Variants in ZSWIM5 observed in about 807,000 individuals in gnomAD.
ZSWIM5 encodes the protein zinc finger SWIM-type containing 5, also known as zinc finger SWIM domain-containing protein 5.
In ZSWIM5, 55 loss-of-function variants were observed where a neutral mutation model predicts 119.6. The ratio of observed to expected loss-of-function variants is 0.46; its 90% CI spans 0.37 to 0.58. The LOEUF (loss-of-function observed/expected upper bound fraction) is 0.58. Among genes scored for constraint, ZSWIM5 ranks in the 20% least tolerant of loss-of-function variants. The probability of loss-of-function intolerance (pLI) is 0.00; values close to 1 mark genes in which losing one functional copy is unlikely to be tolerated. For missense variants in ZSWIM5, 1,193 were observed against 1,512.8 expected (o/e 0.79, Z 3.51); for synonymous variants, 537 against 606.9 (o/e 0.88, Z 1.69).
intron 2 of ZSWIM5, chr1:45,070,174 C>T: frequency 7.6e-7 from 1 of 1,311,584 alleles, no homozygotes; most frequent in Non-Finnish European, 1.1e-6. Context: ...GCAAGTCCTT[C>T]CATAATATAC....
chr1:45,061,032 T>C (rs1182978356), intron 2 of ZSWIM5, among the ~76,000 whole-genome samples: 1 of 152,220 alleles, frequency 6.6e-6, no homozygotes, highest in Non-Finnish European at 1.5e-5. Context: ...TACAGGGTGA[T>C]ATGATTTTAT....
At position 45,196,786 on chromosome 1, in the gene ZSWIM5, A is replaced by G. The variant is rs139244448; in HGVS notation, c.595+8970T>C. On this transcript the variant is annotated intron_variant, in intron 1 of 13. Transcript: ENST00000359600. Reference sequence around the variant, plus strand: ...TAAGCATACAATTTAATAAGTTTTGACAAAAGAATATAGTCATGTAACCAC... The same window carrying G: ...TAAGCATACAATTTAATAAGTTTTGGCAAAAGAATATAGTCATGTAACCAC... Among the ~76,000 whole-genome samples the G allele has an allele frequency of 6.8e-3, 1,031 of 152,296 alleles. 21 individuals are homozygous for G. Among genetic ancestry groups the G allele is most frequent in the African/African-American group, 0.024 (998 of 41,558 alleles).
intron 1 of ZSWIM5, among the ~76,000 whole-genome samples, chr1:45,116,810 G>T (rs1049929674): frequency 2.0e-5 from 3 of 152,032 alleles, no homozygotes; most frequent in African/African-American, 7.2e-5. Context: ...GCAACATAAA[G>T]AATTCCAAAG....
Position 45,206,196 on chromosome 1 carries a change from A to C in ZSWIM5, c.155T>G (p.Leu52Arg). Residue 52 changes from leucine (L) to arginine (R), a missense_variant, in exon 1 of 14, where the codon CTG (leucine) becomes CGG (arginine). Leu to Arg is a moderately radical substitution (Grantham distance 102, BLOSUM62 -2). This residue lies in a region of ZSWIM5 where 232 missense variants were observed against 222.9 expected (regional missense o/e 1.04). Transcript: ENST00000359600. ...CAGGTGGGGGCGGGCCCCGAGGACCAGGCAGCTGCTGCCGACGCCCCCTGC... is the reference window on the plus strand; with the variant it reads ...CAGGTGGGGGCGGGCCCCGAGGACCCGGCAGCTGCTGCCGACGCCCCCTGC... ...GGAGGVGSSC[L>R]VLGARPHLQP... 1 of 1,601,250 alleles carries C rather than the reference A, an allele frequency of 6.2e-7. No homozygotes were observed. Among genetic ancestry groups the C allele is most frequent in the Middle Eastern group, 1.7e-4 (1 of 6,040 alleles).
chr1:45,094,314 A>G (rs1288487130), intron 1 of ZSWIM5, among the ~76,000 whole-genome samples: 1 of 152,050 alleles, frequency 6.6e-6, no homozygotes, highest in East Asian at 1.9e-4. Flanking sequence ...TCAGCATCCC[A>G]AAGTACTGGG....
chr1:45,186,969 C>A (rs899721208), intron 1 of ZSWIM5, among the ~76,000 whole-genome samples: 10 of 152,158 alleles, frequency 6.6e-5, no homozygotes, highest in African/African-American at 2.4e-4. Flanking sequence ...CCACTAAGTT[C>A]ATGGTAATTT....
chr1:45,178,493 G>A (rs1163047423), intron 1 of ZSWIM5, among the ~76,000 whole-genome samples: 1 of 152,128 alleles, frequency 6.6e-6, no homozygotes. Context: ...CTACTTTGAA[G>A]TCTGAAGTTT....
chr1:45,163,209 G>C (rs1460009774), intron 1 of ZSWIM5, among the ~76,000 whole-genome samples: 1 of 152,132 alleles, frequency 6.6e-6, no homozygotes, highest in African/African-American at 2.4e-5. Flanking sequence ...AGGTAAACAG[G>C]GTCTGGAGTG....
chr1:45,154,976 C>G (rs1375702004), intron 1 of ZSWIM5, among the ~76,000 whole-genome samples: 1 of 151,924 alleles, frequency 6.6e-6, no homozygotes, highest in Non-Finnish European at 1.5e-5. Context: ...AAAACCCTTC[C>G]AGGCAAAGAT....
chr1:45,090,179 C>T (rs775090277), intron 1 of ZSWIM5, among the ~76,000 whole-genome samples: 3 of 152,026 alleles, frequency 2.0e-5, no homozygotes, highest in Admixed American at 6.6e-5. Context: ...TAAAACCTAG[C>T]GAAATTATCA....
intron 1 of ZSWIM5, among the ~76,000 whole-genome samples, chr1:45,132,661 A>G (rs1570133789): frequency 6.6e-6 from 1 of 151,968 alleles, no homozygotes; most frequent in Non-Finnish European, 1.5e-5. Context: ...TGTGCACAAC[A>G]TGCAGGTTTG....
rs769915865 is a variant in ZSWIM5, at chr1:45,088,178, A to G, written c.655T>C (p.Tyr219His). ...LATASEPAVTYKVAISFDRCK... is the reference protein window; with the variant it reads ...LATASEPAVTHKVAISFDRCK... ...CGATCAAAACTGATTGCAACTTTATAAGTCACTGCTGGTTCAGAGGCAGTG... is the reference window on the plus strand; with the variant it reads ...CGATCAAAACTGATTGCAACTTTATGAGTCACTGCTGGTTCAGAGGCAGTG... Residue 219 changes from tyrosine to histidine, a missense_variant, in exon 2 of 14, where the codon TAT becomes CAT. Transcript: ENST00000359600. This position sits in a 1 kb window ranked among gnomAD's most constrained non-coding sequence, Gnocchi z 4.2. 19 of 1,614,006 alleles carry G rather than the reference A, an allele frequency of 1.2e-5. No homozygotes were observed. In the Admixed American group the frequency reaches 2.5e-4, roughly 21 times the overall value.
At chr1:45,179,147 C>T (rs1645999449) in intron 1 of ZSWIM5, among the ~76,000 whole-genome samples, 1 of 152,004 alleles carries the variant, frequency 6.6e-6, no homozygotes, top group African/African-American at 2.4e-5. Context: ...CATACGTGTA[C>T]CTGTATATTC....
chr1:45,017,663 C>T lies in ZSWIM5; in HGVS notation c.*791G>A, dbSNP rs1291497379. ...TAGATGAATATTATGAACTCAGCGG[C>T]TTCCCAGACCTTCATCTTCTCCCTG... is the stretch of plus-strand genomic sequence containing the variant. On this transcript the variant is annotated 3_prime_UTR_variant, in exon 14 of 14. Coordinates refer to ENST00000359600, the MANE Select transcript of ZSWIM5 (RefSeq NM_020883.2). 1.3e-5 allele frequency: 2 copies of T among 152,260 alleles called. No homozygotes were observed. Among genetic ancestry groups the T allele is most frequent in the African/African-American group, 4.8e-5 (2 of 41,464 alleles). The allele number at this position is 152,260 out of a possible 1,614,324, so 9.4% of individuals were successfully genotyped here.
intron 11 of ZSWIM5, among the ~76,000 whole-genome samples, chr1:45,030,212 AG>A (rs1644944604): frequency 6.7e-6 from 1 of 149,666 alleles, no homozygotes; most frequent in Non-Finnish European, 1.5e-5. Context: ...CCAAAGTGTT[AG>A]GATTACAGGT....
chr1:45,133,072 A>G (rs1320301104), intron 1 of ZSWIM5, among the ~76,000 whole-genome samples: 9 of 152,332 alleles, frequency 5.9e-5, no homozygotes. Flanking sequence ...CACAATAAAC[A>G]TATGTGTGCA....
chr1:45,110,259 G>A (rs1240651498), intron 1 of ZSWIM5, among the ~76,000 whole-genome samples: 3 of 152,202 alleles, frequency 2.0e-5, no homozygotes, highest in African/African-American at 7.2e-5. Flanking sequence ...AATTAAAGCA[G>A]ACTATAGCTC....
chr1:45,174,769 C>T (rs1334977253), intron 1 of ZSWIM5, among the ~76,000 whole-genome samples: 1 of 151,788 alleles, frequency 6.6e-6, no homozygotes, highest in Non-Finnish European at 1.5e-5. Flanking sequence ...TCATATTTAT[C>T]CCTTTTTATT....
At chr1:45,104,069 C>G (rs866942531) in intron 1 of ZSWIM5, among the ~76,000 whole-genome samples, 1 of 152,122 alleles carries the variant, frequency 6.6e-6, no homozygotes, top group Non-Finnish European at 1.5e-5. Context: ...GAGAAAGCTT[C>G]CTCTTGAATA....
Sources: allele counts gnomAD v4.1 joint callset (sites outside exome capture counted in the v4.1 genomes callset), GRCh38; gene constraint gnomAD v4.1.1; regional missense constraint gnomAD v4.1.1; non-coding constraint Gnocchi (gnomAD v3.1); transcripts MANE v1.5; gene names NCBI Gene and HGNC (gene_info 2026-07-23, HGNC 2026-07-21).